The following TTLL10 variants were observed in gnomAD, a reference collection of about 807,000 sequenced individuals.
The protein encoded by TTLL10 is tubulin tyrosine ligase like 10, also known as inactive polyglycylase TTLL10.
A neutral mutation model predicts 69.0 loss-of-function variants in TTLL10; 61 were observed. The observed-to-expected ratio is 0.88, with a 90% CI of 0.72 to 1.09. The LOEUF is 1.09. TTLL10 is among the 50% of genes least tolerant of loss of function. The pLI is 0.00. For missense variants in TTLL10, 962 were observed against 945.9 expected (o/e 1.02, Z -0.22); for synonymous variants, 408 against 393.3 (o/e 1.04, Z -0.44).
At chr1:1,178,314 C>T (rs1199662149) in intron 3 of TTLL10, among the ~76,000 whole-genome samples, 2 of 152,186 alleles carry the variant, frequency 1.3e-5, no homozygotes, top group Non-Finnish European at 2.9e-5. Context: ...TATCCCAGCA[C>T]TTTCAGAGGC....
At position 1,185,316 on chromosome 1, in the gene TTLL10, C is replaced by G. The variant is rs549235697; in HGVS notation, c.1401+207C>G. 18 of 1,393,794 alleles carry G rather than the reference C, an allele frequency of 1.3e-5. No individual in the cohort carries two copies. The highest frequency in any genetic ancestry group is 2.6e-4 in the Middle Eastern group (1 of 3,780). 86.3% of individuals were successfully genotyped at this position (1,393,794 alleles called of 1,614,324 possible). A position where few individuals can be genotyped will look rare whatever the true frequency, so the allele number is the denominator to read the frequency against. On this transcript the variant is annotated intron_variant, in intron 13 of 15. Transcript: ENST00000379289. The surrounding 1 kb of genome is among the most constrained non-coding windows in gnomAD (Gnocchi z 6.1). ...CCCCAGCAGCCAGCAAAGGCCCGGA[C>G]GGAAAGCCCAGTCGGGGGTCTGTCG...
chr1:1,179,674 C>T lies in TTLL10; in HGVS notation c.136C>T (p.Arg46Cys), dbSNP rs912845643. 3.0e-5 allele frequency: 47 copies of T among 1,550,852 alleles called. 1 individual carries two copies. Among genetic ancestry groups the T allele is most frequent in the South Asian group, 2.4e-4 (20 of 84,066 alleles). ...ARVSGTIPAS[R>C]LHPAPASQPG... ...CCCTCCAGGGACCATCCCTGCGTCA[C>T]GTCTGCACCCAGCACCGGCCTCACA... is the stretch of plus-strand genomic sequence containing the variant. Residue 46 changes from arginine (R) to cysteine (C), a missense_variant, in exon 5 of 16, where the codon CGT (arginine) becomes TGT (cysteine). By Grantham distance (180) the Arg-to-Cys change is radical. Transcript: ENST00000379289.
rs376047251 is a variant in TTLL10, at chr1:1,183,915, C to T, written c.1089-5C>T. On this transcript the variant is annotated splice_region_variant and splice_polypyrimidine_tract_variant and intron_variant, in intron 11 of 15. Transcript: ENST00000379289. ...AGCCCAGCAGCCCCGACATGGTGCC[C>T]CCAGGTACATCCAGAACCCGCTGCT... is the stretch of plus-strand genomic sequence containing the variant. The T allele has an allele frequency of 4.7e-5, 76 of 1,614,002 alleles. No individual in the cohort carries two copies. Among genetic ancestry groups the T allele is most frequent in the Middle Eastern group, 1.6e-4 (1 of 6,084 alleles).
chr1:1,176,402 G>A (rs1015129956), intron 3 of TTLL10: 1 of 455,146 alleles, frequency 2.2e-6, no homozygotes, highest in Admixed American at 2.3e-5. Context: ...AGAGGCTGGG[G>A]CACACAGTCA....
intron 3 of TTLL10, among the ~76,000 whole-genome samples, chr1:1,178,420 G>A (rs1376628388): frequency 2.0e-5 from 3 of 152,106 alleles, no homozygotes; most frequent in Admixed American, 6.5e-5. Flanking sequence ...AGTTAGCTGG[G>A]CATGGTGGTG....
At position 1,196,655 on chromosome 1, in the gene TTLL10, A is replaced by T. The variant is rs1308766926; in HGVS notation, c.1457A>T (p.Asp486Val). ...TTTCTGGCCGCCAAGCCCAAGCTGG[A>T]CTGCAAGCTGGGTTACTTTGACCTC... ...HCFLAAKPKL[D>V]CKLGYFDLIG... Residue 486 changes from aspartate to valine, a missense_variant, in exon 14 of 16, where the codon GAC becomes GTC. By Grantham distance (152) the Asp-to-Val change is radical (BLOSUM62 -3). Coordinates refer to ENST00000379289, the MANE Select transcript of TTLL10 (RefSeq NM_001130045.2). The T allele has an allele frequency of 1.9e-6, 3 of 1,552,010 alleles. No individual in the cohort carries two copies. In the South Asian group the frequency reaches 3.6e-5, roughly 18 times the overall value.
In TTLL10 at chr1:1,197,449, G is replaced by C. The variant is rs1433762009; in HGVS notation, c.1624G>C (p.Glu542Gln). The change falls in exon 16 of 16, where the codon GAG becomes CAG. Residue 542 changes from glutamate to glutamine, a missense_variant. By Grantham distance (29) the Glu-to-Gln change is conservative (BLOSUM62 2). Coordinates refer to ENST00000379289, the MANE Select transcript of TTLL10 (RefSeq NM_001130045.2). Reference protein sequence around the residue: ...VVIETLDLVLETFRKSLRGQK... With the variant: ...VVIETLDLVLQTFRKSLRGQK... ...CCCACCCGCACCAGACCTGGTGCTC[G>C]AGACCTTCCGGAAGAGCCTGCGCGG... The C allele has an allele frequency of 1.3e-6, 2 of 1,535,722 alleles. No individual in the cohort carries two copies. The highest frequency in any genetic ancestry group is 1.8e-6 in the Non-Finnish European group (2 of 1,140,624).
rs202096060 is a variant in TTLL10 at position 1,180,316 on chromosome 1, T to C, written c.482T>C (p.Ile161Thr). The C allele has an allele frequency of 1.5e-4, 231 of 1,581,908 alleles. No homozygotes were observed. The highest frequency in any genetic ancestry group is 7.5e-4 in the Admixed American group (42 of 55,764). The change falls in exon 6 of 16, where the codon ATT (isoleucine) becomes ACT (threonine). Residue 161 changes from isoleucine to threonine, a missense_variant. Physicochemically the swap from Ile to Thr is moderately conservative, Grantham distance 89. Transcript: ENST00000379289. ...ACCCGGCCGGGGCCCTTCTTCTACA[T>C]TGGAGGCAGCAACGGGGCCACAATG... is the stretch of plus-strand genomic sequence containing the variant. ...HSTRPGPFFY[I>T]GGSNGATIIS...
chr1:1,185,470 G>A lies in TTLL10; in HGVS notation c.1401+361G>A, dbSNP rs766511044. Reference sequence around the variant, plus strand: ...GCAGGCAGGGCCAACAGCAGCCCCCGGGCCAGGTGTCCTGGAGCAGCAGCA... The same window carrying A: ...GCAGGCAGGGCCAACAGCAGCCCCCAGGCCAGGTGTCCTGGAGCAGCAGCA... On this transcript the variant is annotated intron_variant, in intron 13 of 15. Transcript: ENST00000379289. The surrounding 1 kb of genome is among the most constrained non-coding windows in gnomAD (Gnocchi z 6.1). 11 of 1,082,324 alleles carry A rather than the reference G, an allele frequency of 1.0e-5. No homozygotes were observed. The highest frequency in any genetic ancestry group is 7.2e-5 in the East Asian group (1 of 13,916). The allele number at this position is 1,082,324 out of a possible 1,614,324, so 67.0% of individuals were successfully genotyped here. A position where few individuals can be genotyped will look rare whatever the true frequency, so the allele number is the denominator to read the frequency against.
In TTLL10 at chr1:1,197,553, G is replaced by C. The variant is rs1339057098; in HGVS notation, c.1728G>C (p.Leu576=). ...HNGEADPRPH[L]GGSCSLRRWP... ...GTGAGGCCGACCCGCGGCCGCACCT[G>C]GGGGGCTCGTGCAGCCTCCGCCGCT... Residue 576 remains leucine, a synonymous_variant, in exon 16 of 16, where the codon CTG becomes CTC. Coordinates refer to ENST00000379289, the MANE Select transcript of TTLL10 (RefSeq NM_001130045.2). The C allele has an allele frequency of 6.6e-7, 1 of 1,521,758 alleles. No individual in the cohort carries two copies. The highest frequency in any genetic ancestry group is 2.5e-5 in the East Asian group (1 of 40,674). 94.3% of individuals were successfully genotyped at this position (1,521,758 alleles called of 1,614,324 possible). A position where few individuals can be genotyped will look rare whatever the true frequency, so the allele number is the denominator to read the frequency against.
At chr1:1,186,484 T>A (rs974815725) in intron 13 of TTLL10, among the ~76,000 whole-genome samples, 1 of 152,182 alleles carries the variant, frequency 6.6e-6, no homozygotes, top group Admixed American at 6.5e-5. Flanking sequence ...TTATGAATAA[T>A]GTTGCTATAA....
Position 1,197,098 on chromosome 1 carries a change from G to A in TTLL10, c.1524G>A (p.Trp508Ter). ...DFLIDDNFKV[W>*]LLEMNSNPAL... ...CTGACTGGCGTCTGGGGCAGGTATG[G>A]CTGCTGGAGATGAATTCTAACCCAG... is the stretch of plus-strand genomic sequence containing the variant. Residue 508 changes from tryptophan to a stop codon, truncating the protein, a stop_gained, in exon 15 of 16, where the codon TGG (tryptophan) becomes TGA (stop). Coordinates refer to ENST00000379289, the MANE Select transcript of TTLL10 (RefSeq NM_001130045.2). LOFTEE classifies it high-confidence loss of function. 1 of 1,551,124 alleles carries A rather than the reference G, an allele frequency of 6.4e-7. No homozygotes were observed. Among genetic ancestry groups the A allele is most frequent in the African/African-American group, 1.4e-5 (1 of 73,120 alleles).
chr1:1,183,272 G>A (rs1454242046), intron 11 of TTLL10, among the ~76,000 whole-genome samples: 1 of 152,186 alleles, frequency 6.6e-6, no homozygotes, highest in Non-Finnish European at 1.5e-5. Flanking sequence ...TAGTCAGTTT[G>A]TCCTTCAGCT....
At chr1:1,182,562 A>G in intron 10 of TTLL10, 116 bp downstream of exon 10, 1 of 1,130,556 alleles carries the variant, frequency 8.8e-7, no homozygotes, top group African/African-American at 1.5e-5. Context: ...TGGGGCTGGG[A>G]CGAGACGAGG....
At chr1:1,180,955 C>T (rs1647046048) in intron 8 of TTLL10, 95 bp downstream of exon 8, 5 of 1,191,986 alleles carry the variant, frequency 4.2e-6, no homozygotes, top group Admixed American at 6.6e-5. Flanking sequence ...TGCCCCTGCG[C>T]CCGCCCCTGC....
Position 1,176,744 on chromosome 1 carries a change from C to A in TTLL10, c.-28+2255C>A, listed in dbSNP as rs11811026. ...GCCTCCCCTCTCGCCTGGGGCTCCA[C>A]GGTGACCCTGCTGTGCGGCACCTCG... On this transcript the variant is annotated intron_variant, in intron 3 of 15. Transcript: ENST00000379289. Among the ~76,000 whole-genome samples the A allele has an allele frequency of 3.2e-4, 48 of 152,328 alleles. 1 individual carries two copies. The highest frequency in any genetic ancestry group is 9.1e-4 in the African/African-American group (38 of 41,566).
At chr1:1,183,851 G>C (rs1647155965) in intron 11 of TTLL10, 69 bp from the exon 12 acceptor site, 3 of 1,589,078 alleles carry the variant, frequency 1.9e-6, no homozygotes, top group Non-Finnish European at 2.6e-6. Context: ...GCCCGGGGTG[G>C]GGTGTGAGGG....
In TTLL10 at chr1:1,180,814, C is replaced by G. The variant is rs201780435; in HGVS notation, c.709C>G (p.Arg237Gly). 1 of 1,600,414 alleles carries G rather than the reference C, an allele frequency of 6.2e-7. No homozygotes were observed. The highest frequency in any genetic ancestry group is 2.3e-5 in the East Asian group (1 of 43,542). ...GLLSTLRGRA[R>G]AMSKASKVPG... Reference sequence around the variant, plus strand: ...GCTCAGCACCCTTCGGGGACGGGCACGGGCCATGAGCAAGGCCAGCAAGGT... The same window carrying G: ...GCTCAGCACCCTTCGGGGACGGGCAGGGGCCATGAGCAAGGCCAGCAAGGT... The change falls in exon 8 of 16, where the codon CGG (arginine) becomes GGG (glycine). Residue 237 changes from arginine (R) to glycine (G), a missense_variant. Transcript: ENST00000379289.
At chr1:1,197,354 T>G in intron 15 of TTLL10, 84 bp from the exon 16 acceptor site, 5 of 964,396 alleles carry the variant, frequency 5.2e-6, no homozygotes, top group Non-Finnish European at 2.9e-6. Flanking sequence ...TCAGCTCACC[T>G]GGGTCCCACC....
Sources: gnomAD v4.1 joint callset for allele counts (sites outside exome capture counted in the v4.1 genomes callset) on GRCh38, gnomAD v4.1.1 for gene constraint, Gnocchi (gnomAD v3.1) non-coding constraint, MANE v1.5 for transcripts, NCBI Gene and HGNC (gene_info 2026-07-23, HGNC 2026-07-21) for gene names.